ENTREP2: variants seen among roughly 807,000 people sequenced by gnomAD.
ENTREP2 encodes the protein endosomal transmembrane epsin interactor 2, also known as protein ENTREP2.
At chr15:29,401,941 T>C in the ENTREP2 span, among the ~76,000 whole-genome samples, 2 of 152,114 alleles carry the variant, frequency 1.3e-5, no homozygotes, top group Non-Finnish European at 2.9e-5. Flanking sequence ...TACATAAACA[T>C]TGCTCTCTTG....
At chr15:29,492,731 C>T in the ENTREP2 span, among the ~76,000 whole-genome samples, 4 of 152,246 alleles carry the variant, frequency 2.6e-5, no homozygotes, top group Non-Finnish European at 4.4e-5. Context: ...AGGCTGGGCA[C>T]GGTGGCTCAT....
At chr15:29,557,272 T>G in the ENTREP2 span, among the ~76,000 whole-genome samples, 154 of 152,140 alleles carry the variant, frequency 1.0e-3, 2 homozygotes, top group South Asian at 0.029. Flanking sequence ...GAGACTTAGA[T>G]CAATACCACC....
the ENTREP2 span, among the ~76,000 whole-genome samples, chr15:29,189,776 C>CA: frequency 1.3e-5 from 2 of 152,112 alleles, no homozygotes; most frequent in African/African-American, 2.4e-5. Context: ...AAAAATATGT[C>CA]ACAGTCTTGC....
At chr15:29,351,432 G>C in the ENTREP2 span, among the ~76,000 whole-genome samples, 1 of 152,090 alleles carries the variant, frequency 6.6e-6, no homozygotes, top group African/African-American at 2.4e-5. Flanking sequence ...AATAATAACA[G>C]GTGTGTGATC....
the ENTREP2 span, among the ~76,000 whole-genome samples, chr15:29,285,765 G>A: frequency 6.6e-6 from 1 of 152,080 alleles, no homozygotes; most frequent in African/African-American, 2.4e-5. Flanking sequence ...GAAAAATGAA[G>A]ATGAAAGACC....
the ENTREP2 span, among the ~76,000 whole-genome samples, chr15:29,601,957 G>C: frequency 6.6e-6 from 1 of 152,218 alleles, no homozygotes; most frequent in African/African-American, 2.4e-5. Context: ...TACTTACATA[G>C]TGATTTGTGG....
the ENTREP2 span, among the ~76,000 whole-genome samples, chr15:29,296,032 A>T: frequency 6.6e-6 from 1 of 151,970 alleles, no homozygotes; most frequent in Non-Finnish European, 1.5e-5. Context: ...AACAAGACTG[A>T]CCTCCCCTGA....
the ENTREP2 span, among the ~76,000 whole-genome samples, chr15:29,571,310 C>G: frequency 3.3e-5 from 5 of 152,106 alleles, no homozygotes; most frequent in Admixed American, 1.3e-4. Flanking sequence ...CGGAGGGGCC[C>G]GATAGCGGCA....
At chr15:29,311,852 C>T in the ENTREP2 span, among the ~76,000 whole-genome samples, 1 of 152,174 alleles carries the variant, frequency 6.6e-6, no homozygotes, top group African/African-American at 2.4e-5. Flanking sequence ...TTCAGGAAGA[C>T]AAACATTACT....
chr15:29,123,103 TC>T, the ENTREP2 span: 1 of 495,470 alleles, frequency 2.0e-6, no homozygotes, highest in Admixed American at 3.5e-5. Flanking sequence ...AAGTCATCTT[TC>T]CGAATTACTG....
chr15:29,534,052 A>G, the ENTREP2 span, among the ~76,000 whole-genome samples: 1 of 140,952 alleles, frequency 7.1e-6, no homozygotes, highest in Non-Finnish European at 1.5e-5. Flanking sequence ...AAAGAGTGTC[A>G]TATGTCCAAC....
the ENTREP2 span, among the ~76,000 whole-genome samples, chr15:29,648,067 G>C: frequency 0.11 from 16,921 of 150,750 alleles, 1,369 homozygotes; most frequent in East Asian, 0.31. Flanking sequence ...ATCACAACAG[G>C]CCCCAATACC....
At chr15:29,589,971 A>G in the ENTREP2 span, among the ~76,000 whole-genome samples, 1 of 152,214 alleles carries the variant, frequency 6.6e-6, no homozygotes, top group Non-Finnish European at 1.5e-5. Flanking sequence ...GGTCTTCAGC[A>G]TCCTCACACA....
chr15:29,652,281 G>A, the ENTREP2 span, among the ~76,000 whole-genome samples: 1 of 152,064 alleles, frequency 6.6e-6, no homozygotes, highest in Admixed American at 6.5e-5. Context: ...TCTGCTGAGG[G>A]CTGAACACTC....
At chr15:29,442,774 G>T in the ENTREP2 span, among the ~76,000 whole-genome samples, 1 of 152,182 alleles carries the variant, frequency 6.6e-6, no homozygotes, top group African/African-American at 2.4e-5. Context: ...CTTAAAATGG[G>T]AAAAACAGAA....
the ENTREP2 span, among the ~76,000 whole-genome samples, chr15:29,184,968 C>T: frequency 6.6e-6 from 1 of 151,756 alleles, no homozygotes; most frequent in Admixed American, 6.6e-5. Flanking sequence ...TCCAGCTACT[C>T]AGGAGGCTGA....
the ENTREP2 span, among the ~76,000 whole-genome samples, chr15:29,186,747 A>G: frequency 6.6e-6 from 1 of 152,188 alleles, no homozygotes; most frequent in East Asian, 1.9e-4. Context: ...GTAACCTCCC[A>G]GAAGGCCTCA....
At chr15:29,371,349 AACAC>A in the ENTREP2 span, among the ~76,000 whole-genome samples, 923 of 133,906 alleles carry the variant, frequency 6.9e-3, 10 homozygotes, top group African/African-American at 0.011. Context: ...CACCCCCGCA[AACAC>A]ACACACACAC....
chr15:29,159,519 A>G, the ENTREP2 span, among the ~76,000 whole-genome samples: 1 of 152,036 alleles, frequency 6.6e-6, no homozygotes, highest in African/African-American at 2.4e-5. Flanking sequence ...TGATTGGTCC[A>G]TTTTACAGAG....
Sources: gnomAD v4.1 joint callset for allele counts (sites outside exome capture counted in the v4.1 genomes callset) on GRCh38, gnomAD v4.1.1 for gene constraint, MANE v1.5 for transcripts, NCBI Gene and HGNC (gene_info 2026-07-23, HGNC 2026-07-21) for gene names.